The following MVB12B variants were observed in gnomAD, a reference collection of about 807,000 sequenced individuals.
MVB12B encodes the protein multivesicular body subunit 12B.
In MVB12B, 16 loss-of-function variants were observed where a neutral mutation model predicts 41.6. The observed-to-expected ratio is 0.38, with a 90% CI of 0.26 to 0.58. MVB12B has a LOEUF of 0.58. MVB12B is among the 20% of genes least tolerant of loss of function. The pLI is 0.62. For synonymous variants in MVB12B, 133 were observed against 139.7 expected (o/e 0.95, Z 0.34); for missense variants, 274 against 380.2 (o/e 0.72, Z 2.32).
rs183600918 is a variant in MVB12B, at chr9:126,443,827, A to G, written c.757+21879A>G. On this transcript the variant is annotated intron_variant, in intron 7 of 9. Transcript: ENST00000361171. The stretch of plus-strand genomic sequence containing the variant: ...ATAGCCGCCTCCAGAAACAAGATAC[A>G]GAATATAGCCAGGAGTCCCATAAGT... Among the ~76,000 whole-genome samples, 7 of 152,396 alleles carry G rather than the reference A, an allele frequency of 4.6e-5. No individual in the cohort carries two copies. The East Asian group carries it at 1.3e-3, about 29-fold the overall frequency.
At chr9:126,500,981 G>A (rs1833943495) in intron 9 of MVB12B, among the ~76,000 whole-genome samples, 1 of 152,228 alleles carries the variant, frequency 6.6e-6, no homozygotes, top group South Asian at 2.1e-4. Flanking sequence ...CGCGCAGGGC[G>A]GATGTCAGTG....
intron 7 of MVB12B, among the ~76,000 whole-genome samples, chr9:126,471,095 A>G (rs1010825336): frequency 1.3e-5 from 2 of 152,222 alleles, no homozygotes; most frequent in Non-Finnish European, 2.9e-5. Context: ...CCCAAATTAC[A>G]GAACTAGTTA....
At chr9:126,451,762 T>G (rs1349538120) in intron 7 of MVB12B, among the ~76,000 whole-genome samples, 1 of 151,302 alleles carries the variant, frequency 6.6e-6, no homozygotes, top group Non-Finnish European at 1.5e-5. Flanking sequence ...CTGGAGGGGG[T>G]TTATTTATCT....
In MVB12B at chr9:126,392,310, G is replaced by A; in HGVS notation, c.539+115G>A. On this transcript the variant is annotated intron_variant, in intron 5 of 9. Coordinates refer to ENST00000361171, the MANE Select transcript of MVB12B (RefSeq NM_033446.3). The surrounding 1 kb of genome is among the most constrained non-coding windows in gnomAD (Gnocchi z 4.8). ...CAGCCCCCCAGGCTCTCAGCCATGG[G>A]CCTCTGTCAGCCCAGTGCTCCTCGC... 2 of 1,239,832 alleles carry A rather than the reference G, an allele frequency of 1.6e-6. No individual in the cohort carries two copies. The highest frequency in any genetic ancestry group is 1.4e-5 in the South Asian group (1 of 73,180). 76.8% of individuals were successfully genotyped at this position (1,239,832 alleles called of 1,614,324 possible). A position where few individuals can be genotyped will look rare whatever the true frequency, so the allele number is the denominator to read the frequency against.
At position 126,340,449 on chromosome 9, in the gene MVB12B, A is replaced by G; in HGVS notation, c.82-59A>G. ...ATTCTGGTTCTGTTTGAGACTTTAT[A>G]TTATTCACATAAATGCTATGTTTGA... On this transcript the variant is annotated intron_variant, in intron 1 of 9. Coordinates refer to ENST00000361171, the MANE Select transcript of MVB12B (RefSeq NM_033446.3). This position sits in a 1 kb window ranked among gnomAD's most constrained non-coding sequence, Gnocchi z 4.0. The G allele has an allele frequency of 6.3e-7, 1 of 1,597,842 alleles. No homozygotes were observed. Among genetic ancestry groups the G allele is most frequent in the Non-Finnish European group, 8.6e-7 (1 of 1,168,710 alleles).
chr9:126,442,283 C>G (rs1016329877), intron 7 of MVB12B, among the ~76,000 whole-genome samples: 1 of 152,134 alleles, frequency 6.6e-6, no homozygotes, highest in African/African-American at 2.4e-5. Flanking sequence ...AGAAATGGTT[C>G]TTTGTATCTT....
chr9:126,381,224 C>T, intron 3 of MVB12B, 53 bp downstream of exon 3: 11 of 1,256,856 alleles, frequency 8.8e-6, no homozygotes. Flanking sequence ...AATTTACATT[C>T]CTGTTTGGAA....
chr9:126,481,272 C>T (rs566212817), intron 7 of MVB12B, 97 bp from the exon 8 acceptor site: 23 of 1,043,346 alleles, frequency 2.2e-5, no homozygotes, highest in Admixed American at 7.0e-5. Context: ...CATCCAGTGA[C>T]GGATTCATAT....
intron 6 of MVB12B, among the ~76,000 whole-genome samples, chr9:126,411,312 C>G (rs1484038135): frequency 6.6e-6 from 1 of 151,934 alleles, no homozygotes; most frequent in Non-Finnish European, 1.5e-5. Context: ...TTTCAGTTGA[C>G]TTATGGATAA....
At position 126,389,439 on chromosome 9, in the gene MVB12B, A is replaced by G. The variant is rs1297492926; in HGVS notation, c.410-2627A>G. Among the ~76,000 whole-genome samples, 1 of 152,206 alleles carries G rather than the reference A, an allele frequency of 6.6e-6. No individual in the cohort carries two copies. Among genetic ancestry groups the G allele is most frequent in the East Asian group, 1.9e-4 (1 of 5,196 alleles). The stretch of plus-strand genomic sequence containing the variant: ...AAAACTGGAAGATGTTTGTTTTAGT[A>G]AAGTGCTGTGTACTTTCTCTGTGTT... On this transcript the variant is annotated intron_variant, in intron 4 of 9. Coordinates refer to ENST00000361171, the MANE Select transcript of MVB12B (RefSeq NM_033446.3). The surrounding 1 kb of genome is among the most constrained non-coding windows in gnomAD (Gnocchi z 4.4).
intron 2 of MVB12B, among the ~76,000 whole-genome samples, chr9:126,353,514 C>G (rs1248444246): frequency 6.6e-6 from 1 of 152,156 alleles, no homozygotes; most frequent in Non-Finnish European, 1.5e-5. Flanking sequence ...GGATTAATAG[C>G]AGGACTTTCC....
intron 7 of MVB12B, among the ~76,000 whole-genome samples, chr9:126,443,292 C>G (rs1415008197): frequency 1.3e-5 from 2 of 152,154 alleles, no homozygotes; most frequent in African/African-American, 4.8e-5. Flanking sequence ...CCTCCTGTCC[C>G]TCTATCCTTC....
chr9:126,457,241 C>T (rs1465212769), intron 7 of MVB12B, among the ~76,000 whole-genome samples: 2 of 152,188 alleles, frequency 1.3e-5, no homozygotes, highest in African/African-American at 4.8e-5. Flanking sequence ...CCCTCCATCA[C>T]CAACATTAGC....
rs1183470052 is a variant in MVB12B, at chr9:126,506,000, C to T, written c.*2737C>T. 6.6e-6 allele frequency: 1 copy of T among 152,262 alleles called. No individual in the cohort carries two copies. Among genetic ancestry groups the T allele is most frequent in the African/African-American group, 2.4e-5 (1 of 41,434 alleles). 9.4% of individuals were successfully genotyped at this position (152,262 alleles called of 1,614,324 possible). ...ACTGTCCCCACCGCCTCCCCTTTCTCTCTGGAAAGTTGAAGTATCTCCAAA... is the reference window on the plus strand; with the variant it reads ...ACTGTCCCCACCGCCTCCCCTTTCTTTCTGGAAAGTTGAAGTATCTCCAAA... On this transcript the variant is annotated 3_prime_UTR_variant, in exon 10 of 10. Coordinates refer to ENST00000361171, the MANE Select transcript of MVB12B (RefSeq NM_033446.3).
chr9:126,461,333 T>C (rs1282832869), intron 7 of MVB12B, among the ~76,000 whole-genome samples: 1 of 152,146 alleles, frequency 6.6e-6, no homozygotes, highest in East Asian at 1.9e-4. Context: ...ATTCCCAAGT[T>C]TGTAATTAAA....
intron 2 of MVB12B, among the ~76,000 whole-genome samples, chr9:126,351,247 C>A (rs564395979): frequency 8.5e-5 from 13 of 152,246 alleles, no homozygotes; most frequent in Admixed American, 8.5e-4. Context: ...CATCCTGTGA[C>A]CTTGCTGCAC....
At chr9:126,442,403 C>T (rs1358583162) in intron 7 of MVB12B, among the ~76,000 whole-genome samples, 2 of 152,176 alleles carry the variant, frequency 1.3e-5, no homozygotes, top group African/African-American at 4.8e-5. Flanking sequence ...TGAAAACTGT[C>T]ATTCATAATA....
rs142601369 is a variant in MVB12B, at chr9:126,349,518, C to T, written c.204+8888C>T. ...ACTTCCCTTATACTACCACCTTCTC[C>T]TTAACCCTTGATAGCCACTAATCTG... On this transcript the variant is annotated intron_variant, in intron 2 of 9. Transcript: ENST00000361171. 1.3e-3 allele frequency among the ~76,000 whole-genome samples: 202 copies of T among 152,292 alleles called. 2 individuals are homozygous for T. Among genetic ancestry groups the T allele is most frequent in the African/African-American group, 4.7e-3 (196 of 41,552 alleles).
At chr9:126,328,977 C>T (rs549164057) in intron 1 of MVB12B, among the ~76,000 whole-genome samples, 3 of 152,112 alleles carry the variant, frequency 2.0e-5, no homozygotes, top group African/African-American at 7.2e-5. Context: ...GAGTTGGGGT[C>T]TTGCTATGTT....
Sources: gnomAD v4.1 joint callset for allele counts (sites outside exome capture counted in the v4.1 genomes callset) on GRCh38, gnomAD v4.1.1 for gene constraint, Gnocchi (gnomAD v3.1) non-coding constraint, MANE v1.5 for transcripts, NCBI Gene and HGNC (gene_info 2026-07-23, HGNC 2026-07-21) for gene names.